The following AMH variants were observed in gnomAD, a reference collection of about 807,000 sequenced individuals.
The protein encoded by AMH is anti-Mullerian hormone.
AMH carries 39 observed loss-of-function variants against 33.3 expected under a neutral mutation model. That is an observed-to-expected ratio of 1.17 (90% CI 0.91 to 1.53). AMH has a LOEUF of 1.53. Ranked by LOEUF, AMH falls within the 40% of genes most tolerant of loss-of-function variation. The pLI, the probability that AMH is intolerant of heterozygous loss-of-function variation, is 0.00. For missense variants in AMH, 1,019 were observed against 799.8 expected (o/e 1.27, Z -3.30); for synonymous variants, 536 against 403.0 (o/e 1.33, Z -3.95).
rs200057041 is a variant in AMH at position 2,249,361 on chromosome 19, C to T, written c.29C>T (p.Ala10Val). Residue 10 changes from alanine (A) to valine (V), a missense_variant, in exon 1 of 5, where the codon GCC becomes GTC. Physicochemically the swap from Ala to Val is moderately conservative, Grantham distance 64. Transcript: ENST00000221496. MRDLPLTSLALVLSALGALL... is the reference protein window; with the variant it reads MRDLPLTSLVLVLSALGALL... ...CGGGACCTGCCTCTCACCAGCCTGG[C>T]CCTAGTGCTGTCTGCCCTGGGGGCT... 7 of 1,580,988 alleles carry T rather than the reference C, an allele frequency of 4.4e-6. No individual in the cohort carries two copies. Among genetic ancestry groups the T allele is most frequent in the Admixed American group, 3.6e-5 (2 of 55,962 alleles).
intron 1 of AMH, 95 bp downstream of exon 1, chr19:2,249,839 C>G: frequency 1.5e-6 from 2 of 1,348,302 alleles, no homozygotes; most frequent in Non-Finnish European, 2.0e-6. Context: ...GAGCCCCCAC[C>G]CTGGGCAGGG....
rs1262388260 is a variant in AMH, at chr19:2,250,325, T to C, written c.413-12T>C. The C allele has an allele frequency of 1.9e-6, 3 of 1,591,994 alleles. No homozygotes were observed. Among genetic ancestry groups the C allele is most frequent in the African/African-American group, 1.3e-5 (1 of 74,768 alleles). On this transcript the variant is annotated splice_polypyrimidine_tract_variant and intron_variant, in intron 1 of 4. Transcript: ENST00000221496. ...TCAATGGCTCAGGCGTCCCCTGCTG[T>C]CCCGGCTGCAGTGACCTGGGAGCCA...
chr19:2,250,830 G>A lies in AMH; in HGVS notation c.665-19G>A. 1 of 1,551,690 alleles carries A rather than the reference G, an allele frequency of 6.4e-7. No homozygotes were observed. The highest frequency in any genetic ancestry group is 1.2e-5 in the South Asian group (1 of 85,480). On this transcript the variant is annotated intron_variant, in intron 3 of 4. Coordinates refer to ENST00000221496, the MANE Select transcript of AMH (RefSeq NM_000479.5). Reference sequence around the variant, plus strand: ...CGGGCCCCCAGCCCCTGAGCCAGCCGCGTGCCCACCCACCGCAGACTCCCG... The same window carrying A: ...CGGGCCCCCAGCCCCTGAGCCAGCCACGTGCCCACCCACCGCAGACTCCCG...
rs763313469 is a variant in AMH at position 2,250,322 on chromosome 19, C to T, written c.413-15C>T. The T allele has an allele frequency of 8.8e-6, 14 of 1,590,624 alleles. No homozygotes were observed. The highest frequency in any genetic ancestry group is 1.2e-5 in the Non-Finnish European group (14 of 1,173,870). ...CCTTCAATGGCTCAGGCGTCCCCTG[C>T]TGTCCCGGCTGCAGTGACCTGGGAG... On this transcript the variant is annotated splice_polypyrimidine_tract_variant and intron_variant, in intron 1 of 4. Coordinates refer to ENST00000221496, the MANE Select transcript of AMH (RefSeq NM_000479.5).
chr19:2,249,878 T>C (rs1436574332), intron 1 of AMH, 134 bp downstream of exon 1: 3 of 1,104,160 alleles, frequency 2.7e-6, no homozygotes, highest in East Asian at 5.3e-5. Flanking sequence ...TAGGACTGGG[T>C]TGCGGGTCCG....
Position 2,251,811 on chromosome 19 carries a change from A to T in AMH, c.1537A>T (p.Met513Leu), listed in dbSNP as rs2025052242. ...CAACCACGTGGTGCTGCTGCTGAAGATGCAGGTCCGTGGGGCCGCCCTGGC... is the reference window on the plus strand; with the variant it reads ...CAACCACGTGGTGCTGCTGCTGAAGTTGCAGGTCCGTGGGGCCGCCCTGGC... ...YGNHVVLLLK[M>L]QVRGAALARP... Residue 513 changes from methionine (M) to leucine (L), a missense_variant, in exon 5 of 5, where the codon ATG (methionine) becomes TTG (leucine). Coordinates refer to ENST00000221496, the MANE Select transcript of AMH (RefSeq NM_000479.5). The T allele has an allele frequency of 1.2e-6, 2 of 1,607,070 alleles. No homozygotes were observed. The highest frequency in any genetic ancestry group is 2.7e-5 in the African/African-American group (2 of 74,720).
rs61736571 is a variant in AMH at position 2,249,461 on chromosome 19, G to A, written c.129G>A (p.Leu43=). 116 of 1,606,486 alleles carry A rather than the reference G, an allele frequency of 7.2e-5. No individual in the cohort carries two copies. In the African/African-American group the frequency reaches 8.7e-4, roughly 12 times the overall value. Residue 43 remains leucine (L), a synonymous_variant, in exon 1 of 5, where the codon TTG becomes TTA. Coordinates refer to ENST00000221496, the MANE Select transcript of AMH (RefSeq NM_000479.5). The part of the protein sequence containing the change: ...GTSGLIFRED[L]DWPPGSPQEP... Reference sequence around the variant, plus strand: ...GTGGCCTCATCTTCCGAGAAGACTTGGACTGGCCTCCAGGCAGCCCACAAG... The same window carrying A: ...GTGGCCTCATCTTCCGAGAAGACTTAGACTGGCCTCCAGGCAGCCCACAAG...
At position 2,250,155 on chromosome 19, in the gene AMH, G is replaced by A. The variant is rs373906846; in HGVS notation, c.413-182G>A. Reference sequence around the variant, plus strand: ...GGCAGCCCCACCCACAGCCTCAGACGCAGCCCCTGCCTGCCCCTGCCGTCA... The same window carrying A: ...GGCAGCCCCACCCACAGCCTCAGACACAGCCCCTGCCTGCCCCTGCCGTCA... On this transcript the variant is annotated intron_variant, in intron 1 of 4. Coordinates refer to ENST00000221496, the MANE Select transcript of AMH (RefSeq NM_000479.5). The A allele has an allele frequency of 8.0e-5, 82 of 1,026,132 alleles. No homozygotes were observed. In the East Asian group the frequency reaches 9.4e-4, roughly 12 times the overall value. 63.6% of individuals were successfully genotyped at this position (1,026,132 alleles called of 1,614,324 possible).
In AMH at chr19:2,251,663, G is replaced by A. The variant is rs200670571; in HGVS notation, c.1389G>A (p.Ala463=). 9 of 1,605,760 alleles carry A rather than the reference G, an allele frequency of 5.6e-6. No homozygotes were observed. Among genetic ancestry groups the A allele is most frequent in the South Asian group, 5.5e-5 (5 of 90,608 alleles). The part of the protein sequence containing the change: ...AGATAADGPC[A]LRELSVDLRA... ...CCACCGCCGCCGACGGGCCGTGCGC[G>A]CTGCGCGAGCTCAGCGTAGACCTCC... The change falls in exon 5 of 5, where the codon GCG becomes GCA. Residue 463 remains alanine (A), a synonymous_variant. Coordinates refer to ENST00000221496, the MANE Select transcript of AMH (RefSeq NM_000479.5).
chr19:2,249,598 G>A lies in AMH; in HGVS notation c.266G>A (p.Arg89Lys), dbSNP rs775004765. 5 of 1,547,562 alleles carry A rather than the reference G, an allele frequency of 3.2e-6. No homozygotes were observed. The African/African-American group carries it at 4.1e-5, about 13-fold the overall frequency. The change falls in exon 1 of 5, where the codon AGG (arginine) becomes AAG (lysine). Residue 89 changes from arginine (R) to lysine (K), a missense_variant. Physicochemically the swap from Arg to Lys is conservative, Grantham distance 26. Transcript: ENST00000221496. ...YEQAFLGAVQRARWGPRDLAT... is the reference protein window; with the variant it reads ...YEQAFLGAVQKARWGPRDLAT... ...CAGGCCTTCCTGGGGGCCGTGCAGA[G>A]GGCCCGCTGGGGCCCCCGAGACCTG...
In AMH at chr19:2,251,368, A is replaced by AC. The variant is rs1201953305; in HGVS notation, c.1098dup (p.Thr367HisfsTer16). The AC allele has an allele frequency of 6.8e-7, 1 of 1,475,364 alleles. No individual in the cohort carries two copies. Among genetic ancestry groups the AC allele is most frequent in the African/African-American group, 1.5e-5 (1 of 67,776 alleles). The allele number at this position is 1,475,364 out of a possible 1,614,324, so 91.4% of individuals were successfully genotyped here. ...ACCGGGGATCCTGCGCCCCTGCACG[A>AC]CCCCACGTCGGCGCCGTGGGCCACG... On this transcript the variant is annotated frameshift_variant, in exon 5 of 5. Coordinates refer to ENST00000221496, the MANE Select transcript of AMH (RefSeq NM_000479.5). LOFTEE classifies it low-confidence loss of function (END_TRUNC).
rs547180609 is a variant in AMH, at chr19:2,250,524, G to T, written c.555+45G>T. On this transcript the variant is annotated intron_variant, in intron 2 of 4. Coordinates refer to ENST00000221496, the MANE Select transcript of AMH (RefSeq NM_000479.5). Reference sequence around the variant, plus strand: ...GGCAGTGCCCGGGCCGTGGCGGGGGGCATGGATTTGTTGCAGGGTCTGCAG... The same window carrying T: ...GGCAGTGCCCGGGCCGTGGCGGGGGTCATGGATTTGTTGCAGGGTCTGCAG... 104 of 1,542,388 alleles carry T rather than the reference G, an allele frequency of 6.7e-5. No homozygotes were observed. In the African/African-American group the frequency reaches 8.1e-4, roughly 12 times the overall value.
In AMH at chr19:2,249,351, A is replaced by G. The variant is rs1599135956; in HGVS notation, c.19A>G (p.Thr7Ala). 6.3e-7 allele frequency: 1 copy of G among 1,576,486 alleles called. No individual in the cohort carries two copies. The highest frequency in any genetic ancestry group is 8.6e-7 in the Non-Finnish European group (1 of 1,162,604). ...ACCCACGATGCGGGACCTGCCTCTC[A>G]CCAGCCTGGCCCTAGTGCTGTCTGC... is the stretch of plus-strand genomic sequence containing the variant. MRDLPL[T>A]SLALVLSALG... Residue 7 changes from threonine to alanine, a missense_variant, in exon 1 of 5, where the codon ACC (threonine) becomes GCC (alanine). Coordinates refer to ENST00000221496, the MANE Select transcript of AMH (RefSeq NM_000479.5).
Position 2,250,379 on chromosome 19 carries a change from C to G in AMH, c.455C>G (p.Pro152Arg), listed in dbSNP as rs371965734. ...PTPSLRFQEP[P>R]PGGAGPPELA... is the part of the protein sequence containing the mutation. ...CCCTCGCTGAGGTTCCAGGAGCCCCCGCCTGGAGGAGCTGGCCCCCCAGAG... is the reference window on the plus strand; with the variant it reads ...CCCTCGCTGAGGTTCCAGGAGCCCCGGCCTGGAGGAGCTGGCCCCCCAGAG... The change falls in exon 2 of 5, where the codon CCG becomes CGG. Residue 152 changes from proline (P) to arginine (R), a missense_variant. By Grantham distance (103) the Pro-to-Arg change is moderately radical (BLOSUM62 -2). Coordinates refer to ENST00000221496, the MANE Select transcript of AMH (RefSeq NM_000479.5). 6.3e-7 allele frequency: 1 copy of G among 1,593,534 alleles called. No individual in the cohort carries two copies. The highest frequency in any genetic ancestry group is 8.5e-7 in the Non-Finnish European group (1 of 1,172,108).
At chr19:2,249,966 G>T in intron 1 of AMH, 1 of 641,876 alleles carries the variant, frequency 1.6e-6, no homozygotes, top group South Asian at 2.1e-5. Flanking sequence ...TCGGTGCCAG[G>T]GAGAGAGCTG....
At position 2,249,571 on chromosome 19, in the gene AMH, A is replaced by G; in HGVS notation, c.239A>G (p.Glu80Gly). The change falls in exon 1 of 5, where the codon GAG becomes GGG. Residue 80 changes from glutamate (E) to glycine (G), a missense_variant. Coordinates refer to ENST00000221496, the MANE Select transcript of AMH (RefSeq NM_000479.5). ...LRVVGALSAY[E>G]QAFLGAVQRA... ...GTGGTGGGGGCTCTAAGCGCCTATG[A>G]GCAGGCCTTCCTGGGGGCCGTGCAG... The G allele has an allele frequency of 6.3e-7, 1 of 1,575,478 alleles. No homozygotes were observed. The highest frequency in any genetic ancestry group is 8.6e-7 in the Non-Finnish European group (1 of 1,163,144).
chr19:2,250,563 G>A, intron 2 of AMH, 84 bp downstream of exon 2: 1 of 1,538,218 alleles, frequency 6.5e-7, no homozygotes, highest in Non-Finnish European at 8.7e-7. Flanking sequence ...TGAGAACAGC[G>A]TAGAACCAGT....
intron 1 of AMH, 55 bp downstream of exon 1, chr19:2,249,799 G>T (rs1025530513): frequency 7.6e-6 from 11 of 1,443,978 alleles, no homozygotes; most frequent in Non-Finnish European, 1.0e-5. Context: ...AGGTGGGCCG[G>T]GTCCTCCTAG....
Position 2,251,196 on chromosome 19 carries a change from G to A in AMH, c.922G>A (p.Ala308Thr), listed in dbSNP as rs1032678120. 4.6e-6 allele frequency: 7 copies of A among 1,506,106 alleles called. No homozygotes were observed. In the African/African-American group the frequency reaches 7.2e-5, roughly 16 times the overall value. The allele number at this position is 1,506,106 out of a possible 1,614,324, so 93.3% of individuals were successfully genotyped here. A position where few individuals can be genotyped will look rare whatever the true frequency, so the allele number is the denominator to read the frequency against. The change falls in exon 5 of 5, where the codon GCC becomes ACC. Residue 308 changes from alanine (A) to threonine (T), a missense_variant. Ala to Thr is a moderately conservative substitution (Grantham distance 58). Transcript: ENST00000221496. ...GGCGCTGCGGGTCCCCCCGGCCCGG[G>A]CCTCCGCGCCGCGCCTGGCCCTGGA... ...VRALRVPPAR[A>T]SAPRLALDPD...
Sources: allele counts gnomAD v4.1 joint callset, GRCh38; gene constraint gnomAD v4.1.1; transcripts MANE v1.5; gene names NCBI Gene and HGNC (gene_info 2026-07-23, HGNC 2026-07-21).